The following GP6 variants were observed in gnomAD, a reference collection of about 807,000 sequenced individuals.
The protein encoded by GP6 is glycoprotein VI platelet.
GP6 carries 45 observed loss-of-function variants against 37.3 expected under a neutral mutation model. The ratio of observed to expected loss-of-function variants is 1.21; its 90% confidence interval spans 0.95 to 1.55. GP6 has a LOEUF of 1.55. Ranked by LOEUF, GP6 falls within the 40% of genes most tolerant of loss-of-function variation. GP6 has a pLI of 0.00. For missense variants in GP6, 813 were observed against 760.2 expected (o/e 1.07, Z -0.82); for synonymous variants, 340 against 316.4 (o/e 1.07, Z -0.79).
rs2073784817 is a variant in GP6 at position 55,014,688 on chromosome 19, C to T, written c.1257G>A (p.Trp419Ter). Reference sequence around the variant, plus strand: ...GTGTGCAGGGAGGAGGATGGGGTCTCCACAGATTCCTTCCATCCCAAATGG... The same window carrying T: ...GTGTGCAGGGAGGAGGATGGGGTCTTCACAGATTCCTTCCATCCCAAATGG... The change falls in exon 8 of 8, where the codon TGG (tryptophan) becomes TGA (stop). Residue 419 changes from tryptophan (W) to a stop codon, truncating the protein, a stop_gained. Coordinates refer to ENST00000310373, the MANE Select transcript of GP6 (RefSeq NM_001083899.2). LOFTEE classifies it low-confidence loss of function (END_TRUNC). 2 of 1,613,996 alleles carry T rather than the reference C, an allele frequency of 1.2e-6. No individual in the cohort carries two copies. Among genetic ancestry groups the T allele is most frequent in the Admixed American group, 1.7e-5 (1 of 60,010 alleles).
At chr19:55,034,176 G>GTA (rs1491058507) in intron 1 of GP6, among the ~76,000 whole-genome samples, 56 of 145,512 alleles carry the variant, frequency 3.8e-4, no homozygotes, top group African/African-American at 1.0e-3. Flanking sequence ...GTGTGTGTGT[G>GTA]TATACATATG....
Position 55,033,227 on chromosome 19 carries a change from GTTCGTGTTAGACACGGTGGACTCGT to G in GP6, c.35-714_35-690del, listed in dbSNP as rs2074666717. Among the ~76,000 whole-genome samples, 3 of 68,490 alleles carry G rather than the reference GTTCGTGTTAGACACGGTGGACTCGT, an allele frequency of 4.4e-5. 1 individual carries two copies. The highest frequency in any genetic ancestry group is 2.0e-4 in the African/African-American group (3 of 14,756). 44.9% of individuals were successfully genotyped at this position (68,490 alleles called of 152,430 possible). On this transcript the variant is annotated intron_variant, in intron 1 of 7. Transcript: ENST00000310373. ...GTGTTGTGTTAGACACGGTGGACTC[GTTCGTGTTAGACACGGTGGACTCGT>G]TCGTGTTAGACACGGTGGACTCGTT...
At chr19:55,029,652 A>G (rs536050346) in intron 3 of GP6, among the ~76,000 whole-genome samples, 12 of 151,610 alleles carry the variant, frequency 7.9e-5, no homozygotes, top group Admixed American at 5.9e-4. Context: ...GGCCTCCCAA[A>G]GTGCTGGCAT....
At chr19:55,024,296 G>GCA (rs1171649622) in intron 5 of GP6, among the ~76,000 whole-genome samples, 1 of 56,294 alleles carries the variant, frequency 1.8e-5, no homozygotes, top group African/African-American at 6.5e-5. Context: ...ACATATGCAC[G>GCA]CATGCACACA....
chr19:55,032,179 G>A lies in GP6; in HGVS notation c.285C>T (p.Leu95=), dbSNP rs774089152. ...CCAGCTGGTCGCTGGGCAGGGACCA[G>A]AGGCTTCCGTTCTGGTAGGAGCAGC... is the stretch of plus-strand genomic sequence containing the variant. Residue 95 remains leucine, a synonymous_variant, in exon 3 of 8, where the codon CTC becomes CTT. Coordinates refer to ENST00000310373, the MANE Select transcript of GP6 (RefSeq NM_001083899.2). 37 of 1,613,932 alleles carry A rather than the reference G, an allele frequency of 2.3e-5. No individual in the cohort carries two copies. Among genetic ancestry groups the A allele is most frequent in the Admixed American group, 5.0e-5 (3 of 59,990 alleles).
At chr19:55,018,851 C>T (rs897102050) in intron 5 of GP6, 140 bp from the exon 6 acceptor site, 13 of 727,458 alleles carry the variant, frequency 1.8e-5, no homozygotes, top group East Asian at 1.6e-4. Context: ...CAGACAAATT[C>T]GAAAGGTGTA....
rs774618165 is a variant in GP6, at chr19:55,014,086, ATCAGGGTAATTGACATAT to A, written c.1841_1858del (p.Asn614_Leu619del). The stretch of plus-strand genomic sequence containing the variant: ...CATGTATACAACGTGCTATGATCAA[ATCAGGGTAATTGACATAT>A]TCATCCCTGTATTTTTTGAGACAAA... On this transcript the variant is annotated inframe_deletion, in exon 8 of 8. Transcript: ENST00000310373. The A allele has an allele frequency of 4.0e-4, 260 of 653,734 alleles. No individual in the cohort carries two copies. The highest frequency in any genetic ancestry group is 6.3e-4 in the Non-Finnish European group (223 of 354,280). The allele number at this position is 653,734 out of a possible 1,614,324, so 40.5% of individuals were successfully genotyped here.
chr19:55,034,126 GTA>G (rs1206181262), intron 1 of GP6, among the ~76,000 whole-genome samples: 1 of 42,516 alleles, frequency 2.4e-5, no homozygotes, highest in Non-Finnish European at 5.6e-5. Flanking sequence ...ACGTGTATAT[GTA>G]TGTATATGTA....
In GP6 at chr19:55,015,696, T is replaced by C. The variant is rs775857911; in HGVS notation, c.762A>G (p.Ser254=). ...TGACTTACTCACCAGCTGGAGAGTC[T>C]GACTCCTTTGGACTGGCGGTGATAC... Residue 254 remains serine (S), a synonymous_variant, in exon 7 of 8, where the codon TCA becomes TCG. Transcript: ENST00000310373. 1.9e-6 allele frequency: 3 copies of C among 1,581,100 alleles called. No individual in the cohort carries two copies. Among genetic ancestry groups the C allele is most frequent in the Non-Finnish European group, 2.6e-6 (3 of 1,149,848 alleles).
chr19:55,036,751 G>A (rs571312096), intron 1 of GP6, among the ~76,000 whole-genome samples: 10 of 150,564 alleles, frequency 6.6e-5, no homozygotes, highest in African/African-American at 9.8e-5. Flanking sequence ...GGTGGCTCAC[G>A]CCTGTAATCC....
In GP6 at chr19:55,032,605, C is replaced by T. The variant is rs41275824; in HGVS notation, c.35-67G>A. On this transcript the variant is annotated intron_variant, in intron 1 of 7. Transcript: ENST00000310373. Reference sequence around the variant, plus strand: ...TATGGACATTCCTGCCTGCTGGGCGCGGTGATAAGACATTTGCATGCATAT... The same window carrying T: ...TATGGACATTCCTGCCTGCTGGGCGTGGTGATAAGACATTTGCATGCATAT... 0.13 allele frequency: 199,753 copies of T among 1,527,556 alleles called. 15,686 individuals are homozygous for T. The highest frequency in any genetic ancestry group is 0.41 in the East Asian group (18,163 of 44,130). The allele number at this position is 1,527,556 out of a possible 1,614,324, so 94.6% of individuals were successfully genotyped here.
chr19:55,026,746 C>G (rs2074318497), intron 4 of GP6, among the ~76,000 whole-genome samples: 1 of 152,034 alleles, frequency 6.6e-6, no homozygotes, highest in Admixed American at 6.6e-5. Flanking sequence ...ATTGGCCGGG[C>G]ATGGTGGCAG....
chr19:55,015,870 C>T, intron 6 of GP6, 137 bp from the exon 7 acceptor site: 2 of 706,502 alleles, frequency 2.8e-6, no homozygotes, highest in Admixed American at 2.0e-5. Context: ...GGGCACGGTG[C>T]CTCATGCCTA....
intron 5 of GP6, among the ~76,000 whole-genome samples, chr19:55,022,222 C>A (rs2074112757): frequency 1.3e-5 from 2 of 152,200 alleles, no homozygotes; most frequent in South Asian, 4.2e-4. Context: ...AAATCTTTGC[C>A]CATGCCTGTG....
chr19:55,032,609 G>T, intron 1 of GP6, 71 bp from the exon 2 acceptor site: 1 of 1,500,508 alleles, frequency 6.7e-7, no homozygotes, highest in African/African-American at 1.4e-5. Context: ...TGGGCGCGGT[G>T]ATAAGACATT....
chr19:55,021,678 G>A (rs1449974995), intron 5 of GP6, among the ~76,000 whole-genome samples: 5 of 151,810 alleles, frequency 3.3e-5, no homozygotes, highest in South Asian at 2.1e-4. Context: ...CCGCCACCAC[G>A]CCCGGCTAAT....
Position 55,013,731 on chromosome 19 carries a change from T to C in GP6, c.*351A>G, listed in dbSNP as rs1231072369. On this transcript the variant is annotated 3_prime_UTR_variant, in exon 8 of 8. Coordinates refer to ENST00000310373, the MANE Select transcript of GP6 (RefSeq NM_001083899.2). ...TTTAAAACAATTTTTATCTTCTTTA[T>C]TTTAAGTAGAGATGGGGTCTCACTA... 1 of 188,014 alleles carries C rather than the reference T, an allele frequency of 5.3e-6. No homozygotes were observed. Among genetic ancestry groups the C allele is most frequent in the East Asian group, 1.3e-4 (1 of 7,612 alleles). The allele number at this position is 188,014 out of a possible 1,614,324, so 11.6% of individuals were successfully genotyped here. A position where few individuals can be genotyped will look rare whatever the true frequency, so the allele number is the denominator to read the frequency against.
At chr19:55,033,864 C>T (rs192630028) in intron 1 of GP6, among the ~76,000 whole-genome samples, 5 of 152,108 alleles carry the variant, frequency 3.3e-5, no homozygotes, top group East Asian at 1.9e-4. Context: ...ATGGGTTTCC[C>T]GGTATTTACA....
At chr19:55,032,699 C>G in intron 1 of GP6, 161 bp from the exon 2 acceptor site, 2 of 775,138 alleles carry the variant, frequency 2.6e-6, no homozygotes, top group Non-Finnish European at 4.5e-6. Context: ...AGAAACCGGT[C>G]AGAAAAAGCC....
Sources: gnomAD v4.1 joint callset for allele counts (sites outside exome capture counted in the v4.1 genomes callset) on GRCh38, gnomAD v4.1.1 for gene constraint, MANE v1.5 for transcripts, NCBI Gene and HGNC (gene_info 2026-07-23, HGNC 2026-07-21) for gene names.